Variants in ZMYM4 observed in about 807,000 individuals in gnomAD.
ZMYM4 encodes zinc finger MYM-type containing 4.
In ZMYM4, 31 loss-of-function variants were observed where a neutral mutation model predicts 183.2. That is an observed-to-expected ratio of 0.17 (90% confidence interval 0.13 to 0.23). ZMYM4 has a LOEUF of 0.23. Ranked by LOEUF, ZMYM4 falls within the 10% of genes least tolerant of loss-of-function variation. The probability of loss-of-function intolerance (pLI) is 1.00; values close to 1 mark genes in which losing one functional copy is unlikely to be tolerated. For missense variants in ZMYM4, 1,273 were observed against 1,840.3 expected, an observed-to-expected ratio of 0.69 and a Z score of 5.64; for synonymous variants, 592 against 631.2, an observed-to-expected ratio of 0.94 and a Z score of 0.93.
chr1:35,379,644 C>A (rs1026018862), intron 7 of ZMYM4, among the ~76,000 whole-genome samples: 1 of 152,248 alleles, frequency 6.6e-6, no homozygotes, highest in Non-Finnish European at 1.5e-5. Context: ...GCGCAAGAGG[C>A]CTAGCTTTCC....
intron 2 of ZMYM4, among the ~76,000 whole-genome samples, chr1:35,332,448 T>G (rs934498308): frequency 6.6e-6 from 1 of 150,794 alleles, no homozygotes; most frequent in African/African-American, 2.4e-5. Context: ...TGGTCTTGAC[T>G]GAGAAGATTT....
intron 2 of ZMYM4, among the ~76,000 whole-genome samples, chr1:35,330,772 A>G (rs1026192718): frequency 1.3e-5 from 2 of 152,246 alleles, no homozygotes; most frequent in Non-Finnish European, 2.9e-5. Context: ...TGATGGAATC[A>G]GGATTTGAAT....
At chr1:35,326,436 C>T (rs1032280584) in intron 2 of ZMYM4, among the ~76,000 whole-genome samples, 3 of 152,160 alleles carry the variant, frequency 2.0e-5, no homozygotes, top group African/African-American at 7.2e-5. Context: ...TCAAGAGCAC[C>T]TCCTACCACC....
intron 1 of ZMYM4, among the ~76,000 whole-genome samples, chr1:35,274,717 C>G (rs1476074567): frequency 6.6e-6 from 1 of 151,012 alleles, no homozygotes; most frequent in Non-Finnish European, 1.5e-5. Flanking sequence ...GCAGAGACAT[C>G]TATAAATAAT....
intron 28 of ZMYM4, among the ~76,000 whole-genome samples, chr1:35,416,976 C>T (rs1640140570): frequency 6.6e-6 from 1 of 152,114 alleles, no homozygotes; most frequent in Non-Finnish European, 1.5e-5. Flanking sequence ...AAGTGAGTAA[C>T]TAGCAAAGTC....
At chr1:35,304,058 G>C (rs562932168) in intron 1 of ZMYM4, among the ~76,000 whole-genome samples, 1 of 150,594 alleles carries the variant, frequency 6.6e-6, no homozygotes, top group Non-Finnish European at 1.5e-5. Flanking sequence ...GGAGTTTCGC[G>C]CTGTCGCCTG....
At chr1:35,349,905 C>T (rs1220367079) in intron 2 of ZMYM4, among the ~76,000 whole-genome samples, 1 of 150,174 alleles carries the variant, frequency 6.7e-6, no homozygotes, top group Non-Finnish European at 1.5e-5. Context: ...AAATCACAAT[C>T]ACCTTGTTTT....
intron 1 of ZMYM4, among the ~76,000 whole-genome samples, chr1:35,323,068 C>T (rs966870718): frequency 1.3e-5 from 2 of 151,870 alleles, no homozygotes; most frequent in African/African-American, 2.4e-5. Flanking sequence ...GGCACAATCT[C>T]GGCTCACTGC....
chr1:35,406,797 C>T (rs577074795), intron 25 of ZMYM4, among the ~76,000 whole-genome samples: 2 of 152,280 alleles, frequency 1.3e-5, no homozygotes, highest in East Asian at 3.9e-4. Flanking sequence ...TGTATGTAAT[C>T]TTATCTCAGT....
rs552210051 is a variant in ZMYM4, at chr1:35,413,152, C to T, written c.3949-820C>T. On this transcript the variant is annotated intron_variant, in intron 26 of 29. Coordinates refer to ENST00000314607, the MANE Select transcript of ZMYM4 (RefSeq NM_005095.3). ...CAAACTCCCAGGTTCAAACAACCCT[C>T]CTGCCTCAGACTCCCAAGCAGTTAG... Among the ~76,000 whole-genome samples the T allele has an allele frequency of 1.3e-4, 20 of 151,952 alleles. No individual in the cohort carries two copies. In the East Asian group the frequency reaches 3.3e-3, roughly 25 times the overall value.
chr1:35,359,021 G>A lies in ZMYM4; in HGVS notation c.182G>A (p.Gly61Glu), dbSNP rs529726473. The A allele has an allele frequency of 1.9e-6, 3 of 1,613,744 alleles. No individual in the cohort carries two copies. Among genetic ancestry groups the A allele is most frequent in the South Asian group, 2.2e-5 (2 of 91,068 alleles). Residue 61 changes from glycine to glutamate, a missense_variant, in exon 3 of 30, where the codon GGA (glycine) becomes GAA (glutamate). Physicochemically the swap from Gly to Glu is moderately conservative, Grantham distance 98. Coordinates refer to ENST00000314607, the MANE Select transcript of ZMYM4 (RefSeq NM_005095.3). ...TCTTATGGAATGCCGAATCAAACAGGATCTGAAAATTCATTGCTGGATGAA... is the reference window on the plus strand; with the variant it reads ...TCTTATGGAATGCCGAATCAAACAGAATCTGAAAATTCATTGCTGGATGAA... ...SMSYGMPNQT[G>E]SENSLLDEDD...
At chr1:35,297,477 A>AC (rs1641076679) in intron 1 of ZMYM4, among the ~76,000 whole-genome samples, 1 of 143,478 alleles carries the variant, frequency 7.0e-6, no homozygotes, top group African/African-American at 2.7e-5. Flanking sequence ...GGTGCTTGTC[A>AC]CAAAAAAAAA....
intron 1 of ZMYM4, among the ~76,000 whole-genome samples, chr1:35,324,735 T>C (rs1242750198): frequency 6.6e-6 from 1 of 152,192 alleles, no homozygotes; most frequent in Admixed American, 6.5e-5. Context: ...AGCAGGAACC[T>C]CCAAAGTAAG....
intron 7 of ZMYM4, 100 bp downstream of exon 7, chr1:35,370,727 CTTTTTTTT>C (rs3066096): frequency 1.1e-4 from 30 of 284,254 alleles, no homozygotes; most frequent in Non-Finnish European, 1.3e-4. Flanking sequence ...ACATTTATTC[CTTTTTTTT>C]TTTTTTTTTT....
At chr1:35,373,290 T>G (rs1239737291) in intron 7 of ZMYM4, among the ~76,000 whole-genome samples, 1 of 151,132 alleles carries the variant, frequency 6.6e-6, no homozygotes, top group Non-Finnish European at 1.5e-5. Flanking sequence ...GGTAGGAACT[T>G]TGTGTATCTA....
chr1:35,410,811 A>G (rs1166445820), intron 26 of ZMYM4, among the ~76,000 whole-genome samples: 1 of 151,734 alleles, frequency 6.6e-6, no homozygotes, highest in Admixed American at 6.6e-5. Flanking sequence ...ATTTTAATGA[A>G]GTTCAGTTTC....
intron 2 of ZMYM4, among the ~76,000 whole-genome samples, chr1:35,341,345 A>G (rs1460000718): frequency 6.6e-6 from 1 of 152,088 alleles, no homozygotes; most frequent in African/African-American, 2.4e-5. Context: ...CAGAATCAAT[A>G]TTTTTATTAT....
chr1:35,361,782 A>G lies in ZMYM4; in HGVS notation c.833A>G (p.Asn278Ser), dbSNP rs746337174. ...GACAAAATAAAAGATGAACCTGACAATGCTCAAGTAAACATTTCACCTTTT... is the reference window on the plus strand; with the variant it reads ...GACAAAATAAAAGATGAACCTGACAGTGCTCAAGTAAACATTTCACCTTTT... ...LLDKIKDEPD[N>S]AQEYSHGQQQ... Residue 278 changes from asparagine to serine, a missense_variant, in exon 5 of 30, where the codon AAT becomes AGT. Coordinates refer to ENST00000314607, the MANE Select transcript of ZMYM4 (RefSeq NM_005095.3). The G allele has an allele frequency of 1.2e-6, 2 of 1,602,184 alleles. No individual in the cohort carries two copies. Among genetic ancestry groups the G allele is most frequent in the Non-Finnish European group, 1.7e-6 (2 of 1,176,658 alleles).
In ZMYM4 at chr1:35,419,655, C is replaced by G. The variant is rs1440630270; in HGVS notation, c.4625C>G (p.Ser1542Cys). ...EELAKAKSED[S>C]DVELSD ...CTTGCCAAAGCCAAATCTGAAGACTCTGATGTTGAATTATCAGATTAAAAC... is the reference window on the plus strand; with the variant it reads ...CTTGCCAAAGCCAAATCTGAAGACTGTGATGTTGAATTATCAGATTAAAAC... Residue 1542 changes from serine (S) to cysteine (C), a missense_variant, in exon 30 of 30, where the codon TCT (serine) becomes TGT (cysteine). Around this residue, in one of 6 missense-constraint regions of ZMYM4, gnomAD observed 145 missense variants for 331.6 expected, o/e 0.44. Transcript: ENST00000314607. 4 of 1,614,022 alleles carry G rather than the reference C, an allele frequency of 2.5e-6. No homozygotes were observed. In the East Asian group the frequency reaches 8.9e-5, roughly 36 times the overall value.
Sources: allele counts gnomAD v4.1 joint callset (sites outside exome capture counted in the v4.1 genomes callset), GRCh38; gene constraint gnomAD v4.1.1; regional missense constraint gnomAD v4.1.1; transcripts MANE v1.5; gene names NCBI Gene and HGNC (gene_info 2026-07-23, HGNC 2026-07-21).